DLG2: variants seen among roughly 807,000 people sequenced by gnomAD.
DLG2 encodes disks large homolog 2.
In DLG2, 45 loss-of-function variants were observed where a neutral mutation model predicts 132.5. The observed-to-expected ratio is 0.34, with a 90% CI of 0.27 to 0.44. The LOEUF is 0.44. Ranked by LOEUF, DLG2 falls within the 20% of genes least tolerant of loss-of-function variation. The pLI, the probability that DLG2 is intolerant of heterozygous loss-of-function variation, is 1.00. For synonymous variants in DLG2, 424 were observed against 419.6 expected (o/e 1.01, Z -0.13); for missense variants, 1,045 against 1,196.9 (o/e 0.87, Z 1.87).
At chr11:84,098,372 C>T (rs2097195927) in intron 10 of DLG2, among the ~76,000 whole-genome samples, 1 of 152,060 alleles carries the variant, frequency 6.6e-6, no homozygotes, top group African/African-American at 2.4e-5. Flanking sequence ...AAGCTGCTTT[C>T]CCTTTTTTTC....
chr11:84,756,406 C>G (rs2066880481), intron 6 of DLG2, among the ~76,000 whole-genome samples: 1 of 152,096 alleles, frequency 6.6e-6, no homozygotes, highest in African/African-American at 2.4e-5. Context: ...TTCAAGAGCA[C>G]GAATACACTC....
At chr11:83,849,298 T>G (rs56414509) in intron 16 of DLG2, among the ~76,000 whole-genome samples, 1 of 139,398 alleles carries the variant, frequency 7.2e-6, no homozygotes, top group Non-Finnish European at 1.5e-5. Flanking sequence ...GGGAGATAAA[T>G]AAATATAAAT....
chr11:84,910,798 CAGAT>C (rs1159938439), intron 6 of DLG2, among the ~76,000 whole-genome samples: 2 of 149,552 alleles, frequency 1.3e-5, no homozygotes, highest in Non-Finnish European at 3.0e-5. Flanking sequence ...ACAACAACAA[CAGAT>C]ACAGAATTCA....
intron 6 of DLG2, among the ~76,000 whole-genome samples, chr11:85,087,238 G>A (rs935616232): frequency 2.0e-5 from 3 of 152,216 alleles, no homozygotes; most frequent in African/African-American, 7.2e-5. Flanking sequence ...TACAAATTGT[G>A]ATAAGGGTTT....
chr11:84,759,888 T>A (rs1321464531), intron 6 of DLG2, among the ~76,000 whole-genome samples: 1 of 152,146 alleles, frequency 6.6e-6, no homozygotes, highest in Non-Finnish European at 1.5e-5. Flanking sequence ...TCCAAAATTG[T>A]CTTGTAGTAA....
At chr11:85,184,535 G>A (rs2079955607) in intron 4 of DLG2, among the ~76,000 whole-genome samples, 1 of 151,736 alleles carries the variant, frequency 6.6e-6, no homozygotes, top group Non-Finnish European at 1.5e-5. Context: ...AGTGAGACTA[G>A]TTGAAGCCAT....
chr11:84,273,395 A>T (rs2097755939), intron 7 of DLG2: 8 of 1,161,038 alleles, frequency 6.9e-6, no homozygotes, highest in Non-Finnish European at 7.7e-6. Flanking sequence ...CTTAAGACTT[A>T]AAAAAAAAGT....
intron 18 of DLG2, among the ~76,000 whole-genome samples, chr11:83,657,537 T>C (rs1489561934): frequency 7.3e-6 from 1 of 136,132 alleles, no homozygotes; most frequent in Non-Finnish European, 1.6e-5. Context: ...GTCTATTCTT[T>C]TTTTTTTTTT....
At chr11:85,427,075 G>GA (rs2090809453) in intron 3 of DLG2, among the ~76,000 whole-genome samples, 1 of 152,162 alleles carries the variant, frequency 6.6e-6, no homozygotes, top group South Asian at 2.1e-4. Context: ...GAAGTTTAGA[G>GA]AAAAAAGAAT....
intron 6 of DLG2, among the ~76,000 whole-genome samples, chr11:84,813,763 C>T (rs928967224): frequency 3.9e-5 from 6 of 151,976 alleles, no homozygotes; most frequent in Non-Finnish European, 8.8e-5. Context: ...CGTATTTAAA[C>T]GATGTGAAGA....
At chr11:84,573,484 C>T (rs1291447615) in intron 6 of DLG2, among the ~76,000 whole-genome samples, 2 of 151,760 alleles carry the variant, frequency 1.3e-5, no homozygotes, top group Non-Finnish European at 2.9e-5. Flanking sequence ...AATAGGATAC[C>T]AAAAAGGATG....
intron 6 of DLG2, among the ~76,000 whole-genome samples, chr11:84,961,560 GTGTGTGTA>G (rs1330234557): frequency 1.1e-3 from 144 of 132,050 alleles, no homozygotes; most frequent in African/African-American, 3.5e-3. Context: ...GTGTGTGTGT[GTGTGTGTA>G]TGTGTATGCA....
At chr11:84,192,684 C>T (rs529357749) in intron 8 of DLG2, among the ~76,000 whole-genome samples, 7 of 152,024 alleles carry the variant, frequency 4.6e-5, no homozygotes, top group South Asian at 2.1e-4. Context: ...GAGCCAAGAT[C>T]GCACCACTGC....
intron 3 of DLG2, among the ~76,000 whole-genome samples, chr11:85,486,994 C>T (rs1000407640): frequency 6.9e-5 from 10 of 145,964 alleles, no homozygotes; most frequent in Admixed American, 2.1e-4. Flanking sequence ...AATAATCATA[C>T]CCTAAACCAC....
At chr11:84,055,202 TA>T (rs1771134039) in intron 11 of DLG2, among the ~76,000 whole-genome samples, 1 of 151,936 alleles carries the variant, frequency 6.6e-6, no homozygotes, top group African/African-American at 2.4e-5. Flanking sequence ...GCACCCCAAC[TA>T]AAAAACTGAA....
At chr11:84,876,424 G>A (rs997602112) in intron 6 of DLG2, among the ~76,000 whole-genome samples, 1 of 152,146 alleles carries the variant, frequency 6.6e-6, no homozygotes, top group Admixed American at 6.5e-5. Context: ...GGGTGTATGT[G>A]TCCAGGAATT....
chr11:85,144,683 A>G (rs1253123576), intron 5 of DLG2, among the ~76,000 whole-genome samples: 1 of 151,998 alleles, frequency 6.6e-6, no homozygotes, highest in Non-Finnish European at 1.5e-5. Flanking sequence ...TTCAGAAACA[A>G]TGCACAAGCA....
Position 85,528,067 on chromosome 11 carries a change from G to T in DLG2, c.40+70590C>A, listed in dbSNP as rs142473905. ...TCTTGTAGATTTATTTAAGTTCTTT[G>T]TAGATTCTGGATATTAGACCTTTGT... On this transcript the variant is annotated intron_variant, in intron 3 of 27. Transcript: ENST00000376104. 9.5e-3 allele frequency among the ~76,000 whole-genome samples: 1,445 copies of T among 152,220 alleles called. 19 individuals carry two copies. The highest frequency in any genetic ancestry group is 0.033 in the African/African-American group (1,356 of 41,540).
chr11:85,377,803 A>ATATATATATATATG lies in DLG2; in HGVS notation c.41-92439_41-92438insCATATATATATATA, dbSNP rs35141583. Among the ~76,000 whole-genome samples the ATATATATATATATG allele has an allele frequency of 2.2e-3, 283 of 131,290 alleles. 2 individuals are homozygous for ATATATATATATATG. Among genetic ancestry groups the ATATATATATATATG allele is most frequent in the Admixed American group, 4.0e-3 (51 of 12,888 alleles). 86.1% of individuals were successfully genotyped at this position (131,290 alleles called of 152,430 possible). On this transcript the variant is annotated intron_variant, in intron 3 of 27. Coordinates refer to ENST00000376104, the MANE Select transcript of DLG2 (RefSeq NM_001142699.3). ...TGTATACATATATATATATATATAT[A>ATATATATATATATG]TGTGTGTGTGTGTGTGTGTGTATAC...
Sources: allele counts gnomAD v4.1 joint callset (sites outside exome capture counted in the v4.1 genomes callset), GRCh38; gene constraint gnomAD v4.1.1; transcripts MANE v1.5; gene names NCBI Gene and HGNC (gene_info 2026-07-23, HGNC 2026-07-21).